The following ERBB4 variants were observed in gnomAD, a reference collection of about 807,000 sequenced individuals.
ERBB4 encodes the protein erb-b2 receptor tyrosine kinase 4, also known as receptor tyrosine-protein kinase erbB-4.
ERBB4 carries 42 observed loss-of-function variants against 158.0 expected under a neutral mutation model. That is an observed-to-expected ratio of 0.27 (90% CI 0.21 to 0.34). ERBB4 has a LOEUF of 0.34. Among genes scored for constraint, ERBB4 ranks in the 10% least tolerant of loss-of-function variants. The pLI is 1.00. For missense variants in ERBB4, 1,333 were observed against 1,624.1 expected, an observed-to-expected ratio of 0.82 and a Z score of 3.08; for synonymous variants, 583 against 558.7, an observed-to-expected ratio of 1.04 and a Z score of -0.61.
chr2:212,342,136 C>A (rs565569052), intron 1 of ERBB4, among the ~76,000 whole-genome samples: 26 of 152,066 alleles, frequency 1.7e-4, no homozygotes, highest in Non-Finnish European at 3.1e-4. Flanking sequence ...TGTTGACATG[C>A]ATTTGTGGTC....
intron 20 of ERBB4, among the ~76,000 whole-genome samples, chr2:211,486,592 G>A (rs1316707540): frequency 6.6e-6 from 1 of 152,082 alleles, no homozygotes; most frequent in African/African-American, 2.4e-5. Flanking sequence ...CAGGTGATGG[G>A]TGTAGGTTCG....
chr2:211,903,177 T>C (rs562241219), intron 3 of ERBB4, among the ~76,000 whole-genome samples: 24 of 152,206 alleles, frequency 1.6e-4, no homozygotes, highest in Admixed American at 2.6e-4. Flanking sequence ...ATAAATGTTA[T>C]TACTCAGTTC....
intron 3 of ERBB4, among the ~76,000 whole-genome samples, chr2:211,851,505 A>G (rs186045362): frequency 6.0e-4 from 92 of 152,076 alleles, no homozygotes; most frequent in East Asian, 2.9e-3. Context: ...TCGCTAAACT[A>G]AAAGCGCTGG....
intron 20 of ERBB4, among the ~76,000 whole-genome samples, chr2:211,451,064 A>G (rs1275527967): frequency 6.6e-6 from 1 of 152,216 alleles, no homozygotes; most frequent in African/African-American, 2.4e-5. Context: ...CACAGAGATG[A>G]AAGTGAAGAA....
chr2:212,269,167 T>C (rs1483952192), intron 1 of ERBB4, among the ~76,000 whole-genome samples: 1 of 151,824 alleles, frequency 6.6e-6, no homozygotes, highest in East Asian at 1.9e-4. Flanking sequence ...CTACATAAAT[T>C]TCTATAGTTC....
chr2:211,801,988 G>A (rs1426297465), intron 3 of ERBB4, among the ~76,000 whole-genome samples: 2 of 152,128 alleles, frequency 1.3e-5, no homozygotes, highest in African/African-American at 2.4e-5. Flanking sequence ...GGCCGGGCAC[G>A]GTGGCTCACG....
intron 1 of ERBB4, among the ~76,000 whole-genome samples, chr2:212,364,180 C>T (rs1269884594): frequency 6.6e-6 from 1 of 151,654 alleles, no homozygotes; most frequent in Non-Finnish European, 1.5e-5. Context: ...ACCTAGCATA[C>T]AGCTAGTTGA....
At chr2:211,527,655 CAT>C (rs1430996356) in intron 20 of ERBB4, among the ~76,000 whole-genome samples, 1 of 151,952 alleles carries the variant, frequency 6.6e-6, no homozygotes, top group Non-Finnish European at 1.5e-5. Context: ...CTCTTCAAGA[CAT>C]AGGCAGTATA....
intron 7 of ERBB4, among the ~76,000 whole-genome samples, chr2:211,721,048 G>A (rs1425365100): frequency 6.6e-6 from 1 of 152,134 alleles, no homozygotes; most frequent in Non-Finnish European, 1.5e-5. Context: ...CTTCCCTTTG[G>A]AAATCTGGGT....
intron 1 of ERBB4, among the ~76,000 whole-genome samples, chr2:212,191,962 A>C: frequency 9.0e-6 from 1 of 111,370 alleles, no homozygotes; most frequent in Non-Finnish European, 1.7e-5. Flanking sequence ...TATATGTTAT[A>C]TATGTTATAT....
intron 2 of ERBB4, among the ~76,000 whole-genome samples, chr2:211,970,878 T>A (rs2081434098): frequency 6.6e-6 from 1 of 152,286 alleles, no homozygotes; most frequent in South Asian, 2.1e-4. Context: ...CTATTTACAT[T>A]TAAGGTTACT....
chr2:211,711,096 T>A (rs1173972842), intron 9 of ERBB4, among the ~76,000 whole-genome samples: 2 of 151,934 alleles, frequency 1.3e-5, no homozygotes, highest in Non-Finnish European at 2.9e-5. Flanking sequence ...CATACTATTA[T>A]ACTATCTAAC....
intron 4 of ERBB4, chr2:211,777,153 A>G (rs1275626021): frequency 1.3e-5 from 2 of 152,116 alleles, no homozygotes; most frequent in Admixed American, 6.5e-5. Flanking sequence ...TATATGCGTG[A>G]GCATATGTGC....
intron 1 of ERBB4, among the ~76,000 whole-genome samples, chr2:212,252,258 A>T (rs2084566104): frequency 1.3e-5 from 2 of 152,084 alleles, no homozygotes; most frequent in Admixed American, 6.6e-5. Context: ...CCTAGAATTA[A>T]TCCCTGTGGG....
intron 12 of ERBB4, among the ~76,000 whole-genome samples, chr2:211,697,895 G>A (rs1224073699): frequency 2.6e-5 from 4 of 152,138 alleles, no homozygotes; most frequent in South Asian, 2.1e-4. Context: ...GGAAATAATT[G>A]TACACTACAA....
intron 2 of ERBB4, among the ~76,000 whole-genome samples, chr2:211,987,636 TCCTA>T (rs1002600976): frequency 2.6e-5 from 4 of 152,112 alleles, no homozygotes; most frequent in Non-Finnish European, 5.9e-5. Context: ...TTTACATTTT[TCCTA>T]CCTAATTTTA....
intron 1 of ERBB4, among the ~76,000 whole-genome samples, chr2:212,287,185 A>C (rs1415474304): frequency 6.6e-6 from 1 of 151,874 alleles, no homozygotes; most frequent in Non-Finnish European, 1.5e-5. Flanking sequence ...TACATATTGC[A>C]CCCTTGCAAT....
intron 20 of ERBB4, among the ~76,000 whole-genome samples, chr2:211,506,204 A>T (rs2065745363): frequency 6.6e-6 from 1 of 151,864 alleles, no homozygotes; most frequent in South Asian, 2.1e-4. Flanking sequence ...AGTGCAATAC[A>T]GTAAGATTTA....
At chr2:211,859,036 C>T (rs1479193691) in intron 3 of ERBB4, among the ~76,000 whole-genome samples, 3 of 152,294 alleles carry the variant, frequency 2.0e-5, no homozygotes, top group East Asian at 1.9e-4. Flanking sequence ...CCTGCCTCAG[C>T]CTCACAAAGT....
Sources: allele counts gnomAD v4.1 joint callset (sites outside exome capture counted in the v4.1 genomes callset), GRCh38; gene constraint gnomAD v4.1.1; transcripts MANE v1.5; gene names NCBI Gene and HGNC (gene_info 2026-07-23, HGNC 2026-07-21).